The following XYLT1 variants were observed in gnomAD, a reference collection of about 807,000 sequenced individuals.
The protein encoded by XYLT1 is xylosyltransferase 1.
A neutral mutation model predicts 91.3 loss-of-function variants in XYLT1; 36 were observed. The ratio of observed to expected loss-of-function variants is 0.39; its 90% confidence interval spans 0.30 to 0.52. The LOEUF (loss-of-function observed/expected upper bound fraction) is 0.52. Among genes scored for constraint, XYLT1 ranks in the 20% least tolerant of loss-of-function variants. XYLT1 has a pLI of 0.68. For synonymous variants in XYLT1, 588 were observed against 532.0 expected (o/e 1.11, Z -1.45); for missense variants, 1,242 against 1,284.5 (o/e 0.97, Z 0.51).
intron 10 of XYLT1, among the ~76,000 whole-genome samples, chr16:17,121,224 G>T (rs962835119): frequency 6.6e-6 from 1 of 152,182 alleles, no homozygotes; most frequent in African/African-American, 2.4e-5. Context: ...CACTGCCCTT[G>T]GATCCTCCAA....
intron 3 of XYLT1, among the ~76,000 whole-genome samples, chr16:17,215,223 G>A (rs1400236155): frequency 6.6e-6 from 1 of 152,176 alleles, no homozygotes; most frequent in East Asian, 1.9e-4. Flanking sequence ...AGGCATGGTG[G>A]TAGGCACCTG....
intron 2 of XYLT1, among the ~76,000 whole-genome samples, chr16:17,286,669 A>C (rs998926911): frequency 1.2e-4 from 19 of 152,192 alleles, no homozygotes; most frequent in Non-Finnish European, 2.6e-4. Context: ...CATCCTCATC[A>C]TCATCATCCT....
chr16:17,390,276 C>T (rs1036320377), intron 1 of XYLT1, among the ~76,000 whole-genome samples: 7 of 152,152 alleles, frequency 4.6e-5, no homozygotes, highest in Non-Finnish European at 1.0e-4. Context: ...AATAAAGTTG[C>T]GGCTGTATGT....
chr16:17,447,495 T>G (rs1308828069), intron 1 of XYLT1, among the ~76,000 whole-genome samples: 1 of 152,242 alleles, frequency 6.6e-6, no homozygotes, highest in Non-Finnish European at 1.5e-5. Flanking sequence ...AAGCATGACT[T>G]GGGAGGGTCT....
chr16:17,204,694 T>C (rs1273557323), intron 3 of XYLT1, among the ~76,000 whole-genome samples: 1 of 152,228 alleles, frequency 6.6e-6, no homozygotes, highest in African/African-American at 2.4e-5. Context: ...TATCTTTCTA[T>C]TGTAGGCACA....
In XYLT1 at chr16:17,107,069, A is replaced by T. The variant is rs1388195931; in HGVS notation, c.*1626T>A. ...GTAACATAATTGACAAGCTGCAAAA[A>T]CAGCACCTACTAATTAGTCATCGAC... On this transcript the variant is annotated 3_prime_UTR_variant, in exon 12 of 12. Coordinates refer to ENST00000261381, the MANE Select transcript of XYLT1 (RefSeq NM_022166.4). 6.6e-6 allele frequency: 1 copy of T among 152,162 alleles called. No individual in the cohort carries two copies. The highest frequency in any genetic ancestry group is 6.5e-5 in the Admixed American group (1 of 15,268). 9.4% of individuals were successfully genotyped at this position (152,162 alleles called of 1,614,324 possible). A position where few individuals can be genotyped will look rare whatever the true frequency, so the allele number is the denominator to read the frequency against.
At chr16:17,294,957 A>AT (rs1199191242) in intron 2 of XYLT1, among the ~76,000 whole-genome samples, 9 of 152,234 alleles carry the variant, frequency 5.9e-5, no homozygotes, top group African/African-American at 1.9e-4. Flanking sequence ...ACAGAACTTT[A>AT]TTCTAGCACA....
intron 2 of XYLT1, among the ~76,000 whole-genome samples, chr16:17,281,956 A>ATT (rs1567354981): frequency 6.6e-6 from 1 of 152,076 alleles, no homozygotes; most frequent in Non-Finnish European, 1.5e-5. Flanking sequence ...CTTCTCTCTC[A>ATT]GTCTCCCAGA....
At chr16:17,357,172 C>CAAAAAAAAA (rs1168668915) in intron 2 of XYLT1, among the ~76,000 whole-genome samples, 1 of 41,678 alleles carries the variant, frequency 2.4e-5, no homozygotes, top group Non-Finnish European at 5.1e-5. Context: ...GACTCGGTCT[C>CAAAAAAAAA]AAAAAAAAAA....
rs1966713441 is a variant in XYLT1 at position 17,102,210 on chromosome 16, T to C, written c.*6485A>G. The C allele has an allele frequency of 6.6e-6, 1 of 152,424 alleles. No individual in the cohort carries two copies. Among genetic ancestry groups the C allele is most frequent in the Admixed American group, 6.5e-5 (1 of 15,288 alleles). The allele number at this position is 152,424 out of a possible 1,614,324, so 9.4% of individuals were successfully genotyped here. ...CCTTTAACTCTCAAAAGTATCCCAG[T>C]TTGGATGATAAATTATATAGTCATC... On this transcript the variant is annotated 3_prime_UTR_variant, in exon 12 of 12. Coordinates refer to ENST00000261381, the MANE Select transcript of XYLT1 (RefSeq NM_022166.4).
chr16:17,251,895 G>C (rs948743252), intron 3 of XYLT1, among the ~76,000 whole-genome samples: 1 of 152,060 alleles, frequency 6.6e-6, no homozygotes, highest in Non-Finnish European at 1.5e-5. Flanking sequence ...AGAGGCAAGA[G>C]GTAACAGCCA....
At chr16:17,386,437 G>C (rs1261075472) in intron 1 of XYLT1, among the ~76,000 whole-genome samples, 1 of 152,186 alleles carries the variant, frequency 6.6e-6, no homozygotes, top group Admixed American at 6.5e-5. Flanking sequence ...ATTAACAGCA[G>C]AGTTGCTTTA....
chr16:17,411,636 T>C (rs1054152775), intron 1 of XYLT1, among the ~76,000 whole-genome samples: 1 of 152,138 alleles, frequency 6.6e-6, no homozygotes, highest in Non-Finnish European at 1.5e-5. Flanking sequence ...GCCTCTGAGT[T>C]TGGGGGTCAC....
chr16:17,332,639 C>G (rs1212177783), intron 2 of XYLT1, among the ~76,000 whole-genome samples: 3 of 151,338 alleles, frequency 2.0e-5, no homozygotes, highest in African/African-American at 7.3e-5. Flanking sequence ...GGGACTATTA[C>G]AATTTCCACA....
At chr16:17,304,817 T>C (rs1297745163) in intron 2 of XYLT1, among the ~76,000 whole-genome samples, 1 of 152,162 alleles carries the variant, frequency 6.6e-6, no homozygotes, top group Non-Finnish European at 1.5e-5. Context: ...AAGATAAATA[T>C]ATCTATTCAT....
chr16:17,264,294 C>T (rs1224620756), intron 2 of XYLT1, among the ~76,000 whole-genome samples: 3 of 152,292 alleles, frequency 2.0e-5, no homozygotes, highest in Admixed American at 6.5e-5. Flanking sequence ...GGACTATTTT[C>T]GATAGCTGAT....
chr16:17,307,485 A>G (rs2034486185), intron 2 of XYLT1, among the ~76,000 whole-genome samples: 1 of 152,224 alleles, frequency 6.6e-6, no homozygotes, highest in South Asian at 2.1e-4. Flanking sequence ...TTGCAGTGAA[A>G]TGATTTAAAT....
intron 1 of XYLT1, among the ~76,000 whole-genome samples, chr16:17,446,767 C>T (rs1385053209): frequency 6.6e-6 from 1 of 152,148 alleles, no homozygotes; most frequent in Admixed American, 6.5e-5. Context: ...TGGGGACTCC[C>T]ACTCAGCCTG....
At chr16:17,218,450 G>A (rs1247964595) in intron 3 of XYLT1, among the ~76,000 whole-genome samples, 3 of 151,818 alleles carry the variant, frequency 2.0e-5, no homozygotes, top group Admixed American at 2.0e-4. Context: ...AAGTAATTCA[G>A]GGCCACTGGG....
Sources: gnomAD v4.1 joint callset for allele counts (sites outside exome capture counted in the v4.1 genomes callset) on GRCh38, gnomAD v4.1.1 for gene constraint, MANE v1.5 for transcripts, NCBI Gene and HGNC (gene_info 2026-07-23, HGNC 2026-07-21) for gene names.